The following OR10R2 variants were observed in gnomAD, a reference collection of about 807,000 sequenced individuals.
The protein encoded by OR10R2 is olfactory receptor family 10 subfamily R member 2, also known as olfactory receptor 10R2.
OR10R2 carries 1 observed loss-of-function variant against 2.4 expected under a neutral mutation model. That is an observed-to-expected ratio of 0.41 (90% CI 0.15 to 1.95). OR10R2 has a LOEUF of 1.95. OR10R2 is among the 30% of genes most tolerant of loss of function. The probability of loss-of-function intolerance (pLI) is 0.30; values close to 1 mark genes in which losing one functional copy is unlikely to be tolerated. For missense variants in OR10R2, 419 were observed against 373.0 expected, an observed-to-expected ratio of 1.12 and a Z score of -1.01; for synonymous variants, 166 against 144.8, an observed-to-expected ratio of 1.15 and a Z score of -1.05.
At chr1:158,479,313 G>A (rs775683630) in intron 1 of OR10R2, among the ~76,000 whole-genome samples, 2 of 152,094 alleles carry the variant, frequency 1.3e-5, no homozygotes, top group Non-Finnish European at 2.9e-5. Flanking sequence ...GACCAATTTG[G>A]TCAGAATTGC....
At chr1:158,480,293 G>A (rs865946724) in exon 2 of OR10R2, 5 of 1,614,066 alleles carry the variant, frequency 3.1e-6, no homozygotes, top group African/African-American at 1.3e-5. Flanking sequence ...GGTGTGATGG[G>A]TTATGATCGC....
exon 2 of OR10R2, chr1:158,480,695 G>A (rs1466680754): frequency 1.2e-6 from 2 of 1,613,530 alleles, no homozygotes; most frequent in African/African-American, 1.3e-5. Context: ...GTTCATTATG[G>A]CTGTGCTTCC....
At chr1:158,480,408 T>A in exon 2 of OR10R2, 1 of 1,614,104 alleles carries the variant, frequency 6.2e-7, no homozygotes, top group Non-Finnish European at 8.5e-7. Context: ...TGGCCTCTCT[T>A]ACAGTAGTAA....
intron 1 of OR10R2, among the ~76,000 whole-genome samples, chr1:158,477,551 G>A (rs1399675822): frequency 6.6e-6 from 1 of 151,884 alleles, no homozygotes; most frequent in African/African-American, 2.4e-5. Flanking sequence ...AATTATATTT[G>A]AATAACCACA....
At position 158,480,253 on chromosome 1, in the gene OR10R2, G is replaced by A; in HGVS notation, c.343G>A (p.Gly115Ser). 1.2e-6 allele frequency: 2 copies of A among 1,613,890 alleles called. No homozygotes were observed. Among genetic ancestry groups the A allele is most frequent in the Non-Finnish European group, 1.7e-6 (2 of 1,179,940 alleles). ...TGCTCTTCAAATGTTCTTCTTCCTT[G>A]GTTTTGCCATTACCAACTGCCTGCT... is the stretch of plus-strand genomic sequence containing the variant. The change falls in exon 2 of 2, where the codon GGT becomes AGT. Residue 115 changes from glycine to serine, a missense_variant. By Grantham distance (56) the Gly-to-Ser change is moderately conservative (BLOSUM62 0). Transcript: ENST00000641067.
rs2101673836 is a variant in OR10R2, at chr1:158,477,037, T to C, written c.28-2901T>C. Among the ~76,000 whole-genome samples, 2 of 152,290 alleles carry C rather than the reference T, an allele frequency of 1.3e-5. 1 individual carries two copies. The highest frequency in any genetic ancestry group is 1.3e-4 in the Admixed American group (2 of 15,294). On this transcript the variant is annotated intron_variant, in intron 1 of 1. Coordinates refer to ENST00000641067, the Ensembl canonical transcript of OR10R2. The stretch of plus-strand genomic sequence containing the variant: ...CCATTCTGTAGGTTGTCTGGTTCAA[T>C]ATTTGAAAATCAATAAATGTAATTC...
In OR10R2 at chr1:158,478,841, A is replaced by G. The variant is rs1369021413; in HGVS notation, c.28-1097A>G. Among the ~76,000 whole-genome samples, 12 of 152,184 alleles carry G rather than the reference A, an allele frequency of 7.9e-5. 2 individuals carry two copies. Among genetic ancestry groups the G allele is most frequent in the Admixed American group, 7.2e-4 (11 of 15,274 alleles). On this transcript the variant is annotated intron_variant, in intron 1 of 1. Coordinates refer to ENST00000641067, the Ensembl canonical transcript of OR10R2. ...GTTTGCTCATTTTTCTTGAATGTCTACATTATTGCTGTTCAAAGTGGGGAA... is the reference window on the plus strand; with the variant it reads ...GTTTGCTCATTTTTCTTGAATGTCTGCATTATTGCTGTTCAAAGTGGGGAA...
exon 2 of OR10R2, chr1:158,480,916 A>T: frequency 9.8e-7 from 1 of 1,025,140 alleles, no homozygotes; most frequent in Non-Finnish European, 1.4e-6. Flanking sequence ...TTCTTAATAA[A>T]TAATGCCTTT....
At chr1:158,477,746 T>C (rs1331058341) in intron 1 of OR10R2, among the ~76,000 whole-genome samples, 1 of 152,166 alleles carries the variant, frequency 6.6e-6, no homozygotes, top group Non-Finnish European at 1.5e-5. Flanking sequence ...ATTTACAGAT[T>C]CAATGCTATT....
At chr1:158,472,994 G>T (rs1307241689) in intron 1 of OR10R2, among the ~76,000 whole-genome samples, 1 of 152,094 alleles carries the variant, frequency 6.6e-6, no homozygotes, top group Non-Finnish European at 1.5e-5. Flanking sequence ...AGATTCAGGA[G>T]GATTAATTTA....
chr1:158,479,336 T>C (rs138391892), intron 1 of OR10R2, among the ~76,000 whole-genome samples: 222 of 152,302 alleles, frequency 1.5e-3, no homozygotes, highest in African/African-American at 5.2e-3. Flanking sequence ...TTTATTTTAT[T>C]ACATCTTTAA....
At chr1:158,474,018 CCTCTCTTTCTT>C (rs1239918645) in intron 1 of OR10R2, among the ~76,000 whole-genome samples, 2 of 145,238 alleles carry the variant, frequency 1.4e-5, no homozygotes, top group Non-Finnish European at 3.0e-5. Context: ...TCCCTTTCTT[CCTCTCTTTCTT>C]CTTTCTTTCT....
Position 158,479,974 on chromosome 1 carries a change from CT to C in OR10R2, c.65del (p.Leu22ArgfsTer17). 3 of 1,613,996 alleles carry C rather than the reference CT, an allele frequency of 1.9e-6. No homozygotes were observed. The highest frequency in any genetic ancestry group is 2.5e-6 in the Non-Finnish European group (3 of 1,179,888). On this transcript the variant is annotated frameshift_variant, in exon 2 of 2. Coordinates refer to ENST00000641067, the Ensembl canonical transcript of OR10R2. LOFTEE classifies it low-confidence loss of function (END_TRUNC). Reference sequence around the variant, plus strand: ...AAACCTCACCATGGTCACCGAATTCCTGTTGCTGGGTTTTTCCAGCCTTGGT... The same window carrying C: ...AAACCTCACCATGGTCACCGAATTCCGTTGCTGGGTTTTTCCAGCCTTGGT...
At chr1:158,475,144 C>T (rs1057247291) in intron 1 of OR10R2, among the ~76,000 whole-genome samples, 1 of 152,050 alleles carries the variant, frequency 6.6e-6, no homozygotes, top group African/African-American at 2.4e-5. Context: ...GTACCCAAAG[C>T]CAAGTTACCT....
exon 2 of OR10R2, chr1:158,480,563 T>C: frequency 6.2e-7 from 1 of 1,613,588 alleles, no homozygotes; most frequent in Non-Finnish European, 8.5e-7. Context: ...GTACTTGTGG[T>C]TCCCTTTCTG....
exon 2 of OR10R2, chr1:158,480,902 A>G (rs144554507): frequency 8.8e-7 from 1 of 1,139,130 alleles, no homozygotes; most frequent in East Asian, 2.6e-5. Flanking sequence ...ATTACATTTT[A>G]GATTTCTTAA....
At chr1:158,478,545 A>T (rs1300194997) in intron 1 of OR10R2, among the ~76,000 whole-genome samples, 1 of 152,136 alleles carries the variant, frequency 6.6e-6, no homozygotes, top group African/African-American at 2.4e-5. Context: ...CATTGCTTTG[A>T]CTATTTACTG....
chr1:158,476,943 ATTTG>A (rs1246881778), intron 1 of OR10R2, among the ~76,000 whole-genome samples: 3 of 152,092 alleles, frequency 2.0e-5, no homozygotes, highest in East Asian at 1.9e-4. Flanking sequence ...TTTTTGCTTG[ATTTG>A]TTTAAGTTTC....
intron 1 of OR10R2, among the ~76,000 whole-genome samples, chr1:158,473,205 T>C (rs1656195406): frequency 6.6e-6 from 1 of 152,248 alleles, no homozygotes; most frequent in Admixed American, 6.5e-5. Context: ...TTTGAATATT[T>C]GTTCTTGCTA....
Sources: allele counts gnomAD v4.1 joint callset (sites outside exome capture counted in the v4.1 genomes callset), GRCh38; gene constraint gnomAD v4.1.1; transcripts MANE v1.5; gene names NCBI Gene and HGNC (gene_info 2026-07-23, HGNC 2026-07-21).